The following NUP133 variants were observed in gnomAD, a reference collection of about 807,000 sequenced individuals.
The protein encoded by NUP133 is nuclear pore complex protein Nup133.
NUP133 carries 66 observed loss-of-function variants against 146.2 expected under a neutral mutation model. That is an observed-to-expected ratio of 0.45 (90% CI 0.37 to 0.55). NUP133 has a LOEUF of 0.55. Among genes scored for constraint, NUP133 ranks in the 20% least tolerant of loss-of-function variants. The probability of loss-of-function intolerance (pLI) is 0.00; values close to 1 mark genes in which losing one functional copy is unlikely to be tolerated. For synonymous variants in NUP133, 521 were observed against 498.8 expected (o/e 1.04, Z -0.59); for missense variants, 1,277 against 1,374.8 (o/e 0.93, Z 1.12).
intron 2 of NUP133, among the ~76,000 whole-genome samples, chr1:229,505,671 G>A (rs1383267878): frequency 1.3e-5 from 2 of 151,166 alleles, no homozygotes; most frequent in Non-Finnish European, 2.9e-5. Flanking sequence ...CAGATCACCT[G>A]AGGTCAGGAG....
At chr1:229,503,046 T>C (rs1007407911) in intron 2 of NUP133, among the ~76,000 whole-genome samples, 2 of 151,534 alleles carry the variant, frequency 1.3e-5, no homozygotes, top group African/African-American at 4.9e-5. Flanking sequence ...GGTGGGTGGA[T>C]CATGAGGTCA....
intron 12 of NUP133, among the ~76,000 whole-genome samples, chr1:229,482,730 G>T (rs1381134412): frequency 6.6e-6 from 1 of 152,098 alleles, no homozygotes. Context: ...ACTACAGCTG[G>T]ACTTGCTCTG....
chr1:229,472,722 ATATATG>A (rs1236143707), intron 14 of NUP133, among the ~76,000 whole-genome samples: 1 of 147,582 alleles, frequency 6.8e-6, no homozygotes, highest in African/African-American at 2.5e-5. Flanking sequence ...ATATATATAT[ATATATG>A]TACAATCATT....
intron 9 of NUP133, among the ~76,000 whole-genome samples, chr1:229,488,452 T>C (rs1661417426): frequency 6.6e-6 from 1 of 152,188 alleles, no homozygotes. Flanking sequence ...ATTAAAGAAG[T>C]AATTTTACAG....
At chr1:229,484,958 A>G (rs1274314306) in intron 11 of NUP133, among the ~76,000 whole-genome samples, 4 of 152,170 alleles carry the variant, frequency 2.6e-5, no homozygotes, top group Non-Finnish European at 4.4e-5. Context: ...ACACTTAATC[A>G]CTTTAATTTG....
chr1:229,443,251 G>A (rs1660223956), intron 25 of NUP133, among the ~76,000 whole-genome samples: 1 of 151,492 alleles, frequency 6.6e-6, no homozygotes, highest in African/African-American at 2.4e-5. Flanking sequence ...TGTGGCCCAG[G>A]CTGGTCTTGA....
At chr1:229,443,907 TTTTTTTTTTTTA>T (rs1241027749) in intron 25 of NUP133, among the ~76,000 whole-genome samples, 1 of 139,522 alleles carries the variant, frequency 7.2e-6, no homozygotes, top group East Asian at 2.0e-4. Context: ...TTTTTTTTTT[TTTTTTTTTTTTA>T]AAATAGGGAC....
intron 2 of NUP133, among the ~76,000 whole-genome samples, chr1:229,505,250 C>T (rs1308014746): frequency 6.6e-6 from 1 of 152,110 alleles, no homozygotes; most frequent in Non-Finnish European, 1.5e-5. Flanking sequence ...TTAATGACCC[C>T]AAACGAAGTA....
intron 23 of NUP133, among the ~76,000 whole-genome samples, chr1:229,449,872 T>TAC (rs1660404917): frequency 9.6e-6 from 1 of 104,584 alleles, no homozygotes; most frequent in Admixed American, 1.1e-4. Flanking sequence ...TATATATATA[T>TAC]ATTTTTTTTT....
intron 24 of NUP133, among the ~76,000 whole-genome samples, chr1:229,448,422 C>CT (rs1660362517): frequency 1.3e-5 from 2 of 151,960 alleles, no homozygotes; most frequent in African/African-American, 4.8e-5. Context: ...GAGCTAAACT[C>CT]TGTCTCAAAA....
rs76226911 is a variant in NUP133 at position 229,478,348 on chromosome 1, T to C, written c.1593-588A>G. Among the ~76,000 whole-genome samples, 778 of 152,042 alleles carry C rather than the reference T, an allele frequency of 5.1e-3. 7 individuals are homozygous for C. The highest frequency in any genetic ancestry group is 0.018 in the African/African-American group (751 of 41,478). ...ACAGAAAGATAAAAAGACTTAAAAA[T>C]AGTCCAGACAATTGAGCAAGCAATG... On this transcript the variant is annotated intron_variant, in intron 12 of 25. Coordinates refer to ENST00000261396, the MANE Select transcript of NUP133 (RefSeq NM_018230.3).
intron 10 of NUP133, among the ~76,000 whole-genome samples, chr1:229,487,254 T>C (rs1661374377): frequency 1.3e-5 from 2 of 152,228 alleles, no homozygotes; most frequent in Non-Finnish European, 2.9e-5. Flanking sequence ...CAAATGTTAC[T>C]ATCTTTGTCT....
At chr1:229,506,246 G>T in intron 1 of NUP133, 88 bp from the exon 2 acceptor site, 2 of 643,520 alleles carry the variant, frequency 3.1e-6, no homozygotes, top group East Asian at 2.8e-5. Context: ...ACAGTAAGGA[G>T]TTCTTTGAAA....
chr1:229,480,477 T>G (rs1471848327), intron 12 of NUP133, among the ~76,000 whole-genome samples: 2 of 152,224 alleles, frequency 1.3e-5, no homozygotes, highest in African/African-American at 4.8e-5. Context: ...TAGTGTTTTT[T>G]GGGCTAAATA....
chr1:229,496,419 A>T (rs1041138737), intron 6 of NUP133, among the ~76,000 whole-genome samples: 1 of 152,222 alleles, frequency 6.6e-6, no homozygotes, highest in African/African-American at 2.4e-5. Flanking sequence ...GGCTGCAGTG[A>T]GCCGAGATCG....
At position 229,465,522 on chromosome 1, in the gene NUP133, G is replaced by A. The variant is rs1325675304; in HGVS notation, c.2200-3C>T. ...TGACTAGCAGCCTGCAGCATATCCT[G>A]GAAAAAAAGTTAATGTGTTATCACA... On this transcript the variant is annotated splice_polypyrimidine_tract_variant and splice_region_variant and intron_variant, in intron 16 of 25. Coordinates refer to ENST00000261396, the MANE Select transcript of NUP133 (RefSeq NM_018230.3). 2.5e-6 allele frequency: 4 copies of A among 1,607,626 alleles called. No homozygotes were observed. Among genetic ancestry groups the A allele is most frequent in the Admixed American group, 3.4e-5 (2 of 59,672 alleles).
rs1038897763 is a variant in NUP133 at position 229,449,336 on chromosome 1, T to G, written c.3181-146A>C. On this transcript the variant is annotated intron_variant, in intron 23 of 25. Coordinates refer to ENST00000261396, the MANE Select transcript of NUP133 (RefSeq NM_018230.3). ...CAGGTTACTCTGTGGTGATGATGAT[T>G]TTATCAGCAACCTTGAGAGGGGTAA... The G allele has an allele frequency of 5.0e-5, 30 of 603,054 alleles. No individual in the cohort carries two copies. In the Admixed American group the frequency reaches 9.1e-4, roughly 18 times the overall value. The allele number at this position is 603,054 out of a possible 1,614,324, so 37.4% of individuals were successfully genotyped here.
chr1:229,445,147 A>G, intron 24 of NUP133, 145 bp from the exon 25 acceptor site: 1 of 632,768 alleles, frequency 1.6e-6, no homozygotes, highest in Non-Finnish European at 2.8e-6. Context: ...TCATTTAAAT[A>G]AAGGCACTTT....
intron 22 of NUP133, among the ~76,000 whole-genome samples, chr1:229,451,280 T>C (rs1660442570): frequency 6.6e-6 from 1 of 151,868 alleles, no homozygotes; most frequent in Non-Finnish European, 1.5e-5. Context: ...ACACCTGTGG[T>C]CCCAGCTACT....
Sources: gnomAD v4.1 joint callset for allele counts (sites outside exome capture counted in the v4.1 genomes callset) on GRCh38, gnomAD v4.1.1 for gene constraint, MANE v1.5 for transcripts, NCBI Gene and HGNC (gene_info 2026-07-23, HGNC 2026-07-21) for gene names.